Variants in FEM1A observed in about 807,000 individuals in gnomAD.
The protein encoded by FEM1A is protein fem-1 homolog A.
Under a neutral mutation model 0.7 loss-of-function variants are expected in FEM1A, and 1 was observed. That is an observed-to-expected ratio of 1.35 (90% CI 0.48 to 6.40). The LOEUF (loss-of-function observed/expected upper bound fraction) is 6.40, where lower values mean the gene tolerates loss of function less well. Ranked by LOEUF, FEM1A falls within the 30% of genes most tolerant of loss-of-function variation. The pLI is 0.14. For synonymous variants in FEM1A, 391 were observed against 420.6 expected, an observed-to-expected ratio of 0.93 and a Z score of 0.86; for missense variants, 721 against 918.7, an observed-to-expected ratio of 0.78 and a Z score of 2.78.
At position 4,793,122 on chromosome 19, in the gene FEM1A, A is replaced by C; in HGVS notation, c.1268A>C (p.Asn423Thr). 6.2e-7 allele frequency: 1 copy of C among 1,613,470 alleles called. No individual in the cohort carries two copies. Among genetic ancestry groups the C allele is most frequent in the African/African-American group, 1.3e-5 (1 of 75,006 alleles). ...WKYALDMQQS[N>T]LEPLSPMTAS... Reference sequence around the variant, plus strand: ...TACGCCCTGGACATGCAACAGAGCAACCTGGAGCCTCTGAGCCCCATGACC... The same window carrying C: ...TACGCCCTGGACATGCAACAGAGCACCCTGGAGCCTCTGAGCCCCATGACC... The change falls in exon 1 of 1, where the codon AAC (asparagine) becomes ACC (threonine). Residue 423 changes from asparagine (N) to threonine (T), a missense_variant. By Grantham distance (65) the Asn-to-Thr change is moderately conservative. This residue lies in a region of FEM1A where 379 missense variants were observed against 454.8 expected (regional missense o/e 0.83). Transcript: ENST00000269856. The surrounding 1 kb of genome is among the most constrained non-coding windows in gnomAD (Gnocchi z 5.1).
At position 4,791,759 on chromosome 19, in the gene FEM1A, G is replaced by A. The variant is rs2093554491; in HGVS notation, c.-96G>A. 10 of 1,254,594 alleles carry A rather than the reference G, an allele frequency of 8.0e-6. No homozygotes were observed. The South Asian group carries it at 1.2e-4, about 15-fold the overall frequency. 77.7% of individuals were successfully genotyped at this position (1,254,594 alleles called of 1,614,324 possible). On this transcript the variant is annotated 5_prime_UTR_variant, in exon 1 of 1. Transcript: ENST00000269856. Reference sequence around the variant, plus strand: ...GAGGAGACCCTAAGATGGCGGCGAGGGGGACGGTGAAGGTTGCCTCCCGCC... The same window carrying A: ...GAGGAGACCCTAAGATGGCGGCGAGAGGGACGGTGAAGGTTGCCTCCCGCC...
rs371448166 is a variant in FEM1A, at chr19:4,793,386, C to T, written c.1532C>T (p.Thr511Ile). 40 of 1,612,022 alleles carry T rather than the reference C, an allele frequency of 2.5e-5. No individual in the cohort carries two copies. Among genetic ancestry groups the T allele is most frequent in the Non-Finnish European group, 3.4e-5 (40 of 1,179,850 alleles). ...LLYLLEKVECTPSQEHLKHQT... is the reference protein window; with the variant it reads ...LLYLLEKVECIPSQEHLKHQT... ...TACCTGCTGGAGAAAGTGGAGTGCA[C>T]CCCCAGCCAGGAGCACCTGAAGCAC... is the stretch of plus-strand genomic sequence containing the variant. The change falls in exon 1 of 1, where the codon ACC becomes ATC. Residue 511 changes from threonine to isoleucine, a missense_variant. Physicochemically the swap from Thr to Ile is moderately conservative, Grantham distance 89. Transcript: ENST00000269856. This position sits in a 1 kb window ranked among gnomAD's most constrained non-coding sequence, Gnocchi z 5.1.
chr19:4,800,216 G>A lies in FEM1A; in HGVS notation c.*6352G>A, dbSNP rs978382753. ...CTCTTAAGAGGAAGGCCATCTTAAA[G>A]CTCTACCAGCTTCAGGTGAGGGCTG... On this transcript the variant is annotated 3_prime_UTR_variant, in exon 1 of 1. Coordinates refer to ENST00000269856, the MANE Select transcript of FEM1A (RefSeq NM_018708.3). 6.6e-6 allele frequency: 1 copy of A among 152,322 alleles called. No individual in the cohort carries two copies. Among genetic ancestry groups the A allele is most frequent in the African/African-American group, 2.4e-5 (1 of 41,450 alleles). The allele number at this position is 152,322 out of a possible 1,614,324, so 9.4% of individuals were successfully genotyped here. A position where few individuals can be genotyped will look rare whatever the true frequency, so the allele number is the denominator to read the frequency against.
chr19:4,792,055 C>T lies in FEM1A; in HGVS notation c.201C>T (p.Ser67=), dbSNP rs1421880439. ...VEYLVDRCGA[S]VEAGGSVHFD... The stretch of plus-strand genomic sequence containing the variant: ...ACCTGGTGGACCGGTGCGGCGCGAG[C>T]GTGGAGGCCGGTGGCTCGGTGCACT... Residue 67 remains serine (S), a synonymous_variant, in exon 1 of 1, where the codon AGC becomes AGT. Transcript: ENST00000269856. The surrounding 1 kb of genome is among the most constrained non-coding windows in gnomAD (Gnocchi z 6.7). 2.0e-5 allele frequency: 30 copies of T among 1,535,868 alleles called. No homozygotes were observed. In the South Asian group the frequency reaches 3.1e-4, roughly 16 times the overall value.
At position 4,798,102 on chromosome 19, in the gene FEM1A, A is replaced by T. The variant is rs4514807; in HGVS notation, c.*4238A>T. ...ACAAAAATTAGCCGGGTGTGGTGGC[A>T]GGTGCCTGTAGTCCCAGCTACTCCG... On this transcript the variant is annotated 3_prime_UTR_variant, in exon 1 of 1. Transcript: ENST00000269856. 1 of 90,078 alleles carries T rather than the reference A, an allele frequency of 1.1e-5. No individual in the cohort carries two copies. The highest frequency in any genetic ancestry group is 2.6e-5 in the Non-Finnish European group (1 of 38,072). The allele number at this position is 90,078 out of a possible 1,614,324, so 5.6% of individuals were successfully genotyped here.
rs1458161003 is a variant in FEM1A at position 4,794,803 on chromosome 19, T to C, written c.*939T>C. The C allele has an allele frequency of 6.0e-6, 1 of 166,926 alleles. No homozygotes were observed. 10.3% of individuals were successfully genotyped at this position (166,926 alleles called of 1,614,324 possible). A position where few individuals can be genotyped will look rare whatever the true frequency, so the allele number is the denominator to read the frequency against. ...TCCATTCTCCTTAGAGAGAGAACTG[T>C]GCTTCCAAACAGAAATCAGGAGTGA... On this transcript the variant is annotated 3_prime_UTR_variant, in exon 1 of 1. Coordinates refer to ENST00000269856, the MANE Select transcript of FEM1A (RefSeq NM_018708.3).
rs1413488229 is a variant in FEM1A, at chr19:4,801,155, T to A, written c.*7291T>A. On this transcript the variant is annotated 3_prime_UTR_variant, in exon 1 of 1. Coordinates refer to ENST00000269856, the MANE Select transcript of FEM1A (RefSeq NM_018708.3). ...TGCCTTGATATCTCCTATTAAAGCT[T>A]GTGTTTGAATGTCTGTTAATAGACA... 1 of 152,172 alleles carries A rather than the reference T, an allele frequency of 6.6e-6. No homozygotes were observed. The highest frequency in any genetic ancestry group is 1.5e-5 in the Non-Finnish European group (1 of 68,034). The allele number at this position is 152,172 out of a possible 1,614,324, so 9.4% of individuals were successfully genotyped here. A position where few individuals can be genotyped will look rare whatever the true frequency, so the allele number is the denominator to read the frequency against.
At position 4,796,800 on chromosome 19, in the gene FEM1A, G is replaced by A. The variant is rs1162470075; in HGVS notation, c.*2936G>A. ...GCTTCCATGGTGCATTGGGTTGGAG[G>A]GCTCTTCTCCCGAGGGTGGGTGTCT... On this transcript the variant is annotated 3_prime_UTR_variant, in exon 1 of 1. Coordinates refer to ENST00000269856, the MANE Select transcript of FEM1A (RefSeq NM_018708.3). The A allele has an allele frequency of 6.6e-6, 1 of 152,420 alleles. No homozygotes were observed. Among genetic ancestry groups the A allele is most frequent in the Non-Finnish European group, 1.5e-5 (1 of 68,210 alleles). The allele number at this position is 152,420 out of a possible 1,614,324, so 9.4% of individuals were successfully genotyped here.
Position 4,792,451 on chromosome 19 carries a change from G to A in FEM1A, c.597G>A (p.Leu199=). ...CCGAGTCCGGCAGCCTGGAGATCCT[G>A]CAGCTGCTGCTGGGGTGCAAGGCCC... ...DCAESGSLEI[L]QLLLGCKARM... Residue 199 remains leucine, a synonymous_variant, in exon 1 of 1, where the codon CTG becomes CTA. Transcript: ENST00000269856. The surrounding 1 kb of genome is among the most constrained non-coding windows in gnomAD (Gnocchi z 6.7). 6.3e-7 allele frequency: 1 copy of A among 1,596,678 alleles called. No individual in the cohort carries two copies. Among genetic ancestry groups the A allele is most frequent in the Non-Finnish European group, 8.5e-7 (1 of 1,179,596 alleles).
chr19:4,793,831 G>A lies in FEM1A; in HGVS notation c.1977G>A (p.Pro659=), dbSNP rs1282571664. Residue 659 remains proline, a synonymous_variant, in exon 1 of 1, where the codon CCG becomes CCA. Coordinates refer to ENST00000269856, the MANE Select transcript of FEM1A (RefSeq NM_018708.3). This position sits in a 1 kb window ranked among gnomAD's most constrained non-coding sequence, Gnocchi z 5.1. The part of the protein sequence containing the change: ...KNKIPYKGFI[P]EDLEAFIELH ...AGATCCCTTACAAGGGCTTCATCCCGGAAGATCTGGAGGCGTTCATCGAAC... is the reference window on the plus strand; with the variant it reads ...AGATCCCTTACAAGGGCTTCATCCCAGAAGATCTGGAGGCGTTCATCGAAC... 1.2e-6 allele frequency: 2 copies of A among 1,607,856 alleles called. No individual in the cohort carries two copies. The highest frequency in any genetic ancestry group is 1.3e-5 in the African/African-American group (1 of 74,768).
Position 4,793,495 on chromosome 19 carries a change from C to A in FEM1A, c.1641C>A (p.Thr547=). 6.2e-7 allele frequency: 1 copy of A among 1,612,916 alleles called. No individual in the cohort carries two copies. Among genetic ancestry groups the A allele is most frequent in the Non-Finnish European group, 8.5e-7 (1 of 1,179,866 alleles). ...TGCACATGGCTGTGGACAAGGACACCACAAACGTGGGCCGCTATCCCGTGG... is the reference window on the plus strand; with the variant it reads ...TGCACATGGCTGTGGACAAGGACACAACAAACGTGGGCCGCTATCCCGTGG... ...TPLHMAVDKD[T]TNVGRYPVGR... Residue 547 remains threonine, a synonymous_variant, in exon 1 of 1, where the codon ACC becomes ACA. Coordinates refer to ENST00000269856, the MANE Select transcript of FEM1A (RefSeq NM_018708.3). This position sits in a 1 kb window ranked among gnomAD's most constrained non-coding sequence, Gnocchi z 5.1.
rs1051358956 is a variant in FEM1A, at chr19:4,795,508, T to C, written c.*1644T>C. On this transcript the variant is annotated 3_prime_UTR_variant, in exon 1 of 1. Transcript: ENST00000269856. Reference sequence around the variant, plus strand: ...GAGCACAGAAATGAGGCCGTTTACATGGCGAGTCTCCGTGCTGGTGTTTAA... The same window carrying C: ...GAGCACAGAAATGAGGCCGTTTACACGGCGAGTCTCCGTGCTGGTGTTTAA... 6.0e-6 allele frequency: 1 copy of C among 166,742 alleles called. No homozygotes were observed. The highest frequency in any genetic ancestry group is 6.6e-5 in the Admixed American group (1 of 15,202). The allele number at this position is 166,742 out of a possible 1,614,324, so 10.3% of individuals were successfully genotyped here. A position where few individuals can be genotyped will look rare whatever the true frequency, so the allele number is the denominator to read the frequency against.
rs1256201536 is a variant in FEM1A, at chr19:4,801,114, C to T, written c.*7250C>T. ...ACATTCAGAATTCCCTGGAGCAACC[C>T]CCTCCCTCCACCCTGTGCCTTGATA... is the stretch of plus-strand genomic sequence containing the variant. On this transcript the variant is annotated 3_prime_UTR_variant, in exon 1 of 1. Transcript: ENST00000269856. The T allele has an allele frequency of 6.6e-6, 1 of 152,084 alleles. No homozygotes were observed. The highest frequency in any genetic ancestry group is 1.9e-4 in the East Asian group (1 of 5,188). The allele number at this position is 152,084 out of a possible 1,614,324, so 9.4% of individuals were successfully genotyped here. A position where few individuals can be genotyped will look rare whatever the true frequency, so the allele number is the denominator to read the frequency against.
rs781719702 is a variant in FEM1A at position 4,792,340 on chromosome 19, C to T, written c.486C>T (p.His162=). The T allele has an allele frequency of 5.6e-6, 9 of 1,594,374 alleles. No individual in the cohort carries two copies. The Admixed American group carries it at 1.0e-4, about 18-fold the overall frequency. ...TCATGATCTCGTGCTACAAGGGCCA[C>T]CGTGAGATCGCCCGCTACCTGCTGG... ...TCLMISCYKG[H]REIARYLLEQ... is the part of the protein sequence containing the mutation. The change falls in exon 1 of 1, where the codon CAC becomes CAT. Residue 162 remains histidine, a synonymous_variant. Coordinates refer to ENST00000269856, the MANE Select transcript of FEM1A (RefSeq NM_018708.3). The surrounding 1 kb of genome is among the most constrained non-coding windows in gnomAD (Gnocchi z 6.7).
Position 4,800,739 on chromosome 19 carries a change from C to T in FEM1A, c.*6875C>T, listed in dbSNP as rs1323877668. 1 of 152,362 alleles carries T rather than the reference C, an allele frequency of 6.6e-6. No individual in the cohort carries two copies. The highest frequency in any genetic ancestry group is 1.5e-5 in the Non-Finnish European group (1 of 68,172). The allele number at this position is 152,362 out of a possible 1,614,324, so 9.4% of individuals were successfully genotyped here. The stretch of plus-strand genomic sequence containing the variant: ...CCGCCGCCCCCATGGAATTGCAGGA[C>T]TGTTATCTGAGCAACGTCGACGGGG... On this transcript the variant is annotated 3_prime_UTR_variant, in exon 1 of 1. Coordinates refer to ENST00000269856, the MANE Select transcript of FEM1A (RefSeq NM_018708.3).
rs376644635 is a variant in FEM1A, at chr19:4,798,045, T to G, written c.*4181T>G. On this transcript the variant is annotated 3_prime_UTR_variant, in exon 1 of 1. Transcript: ENST00000269856. ...GTCAGGAGATCGAGACCATCCTGGC[T>G]AACACGGTGAAACCCCGTCTCTACT... 6.2e-5 allele frequency: 9 copies of G among 145,834 alleles called. No individual in the cohort carries two copies. The highest frequency in any genetic ancestry group is 7.0e-5 in the Admixed American group (1 of 14,384). 9.0% of individuals were successfully genotyped at this position (145,834 alleles called of 1,614,324 possible). A position where few individuals can be genotyped will look rare whatever the true frequency, so the allele number is the denominator to read the frequency against.
chr19:4,793,234 C>T lies in FEM1A; in HGVS notation c.1380C>T (p.Gly460=), dbSNP rs748409813. The T allele has an allele frequency of 1.2e-6, 2 of 1,613,452 alleles. No individual in the cohort carries two copies. The highest frequency in any genetic ancestry group is 1.7e-5 in the Admixed American group (1 of 59,992). The change falls in exon 1 of 1, where the codon GGC becomes GGT. Residue 460 remains glycine (G), a synonymous_variant. Transcript: ENST00000269856. The surrounding 1 kb of genome is among the most constrained non-coding windows in gnomAD (Gnocchi z 5.1). ...AAKGSLGTQI[G]FADLMGVLTK... is the part of the protein sequence containing the mutation. Reference sequence around the variant, plus strand: ...AAGGCAGCCTGGGCACCCAGATCGGCTTTGCAGACCTCATGGGGGTTCTCA... The same window carrying T: ...AAGGCAGCCTGGGCACCCAGATCGGTTTTGCAGACCTCATGGGGGTTCTCA...
In FEM1A at chr19:4,794,615, G is replaced by A. The variant is rs2093559000; in HGVS notation, c.*751G>A. 6.0e-6 allele frequency: 1 copy of A among 166,520 alleles called. No individual in the cohort carries two copies. The highest frequency in any genetic ancestry group is 2.4e-5 in the African/African-American group (1 of 41,226). 10.3% of individuals were successfully genotyped at this position (166,520 alleles called of 1,614,324 possible). Reference sequence around the variant, plus strand: ...GCAGTGAGGATTTTGTGGTGCCTGAGATGGCCGAGGGCACAGGGAGTGAGC... The same window carrying A: ...GCAGTGAGGATTTTGTGGTGCCTGAAATGGCCGAGGGCACAGGGAGTGAGC... On this transcript the variant is annotated 3_prime_UTR_variant, in exon 1 of 1. Coordinates refer to ENST00000269856, the MANE Select transcript of FEM1A (RefSeq NM_018708.3).
Position 4,792,991 on chromosome 19 carries a change from G to A in FEM1A, c.1137G>A (p.Glu379=), listed in dbSNP as rs1214126719. 1 of 1,613,064 alleles carries A rather than the reference G, an allele frequency of 6.2e-7. No individual in the cohort carries two copies. Among genetic ancestry groups the A allele is most frequent in the Non-Finnish European group, 8.5e-7 (1 of 1,180,020 alleles). The change falls in exon 1 of 1, where the codon GAG becomes GAA. Residue 379 remains glutamate (E), a synonymous_variant. Coordinates refer to ENST00000269856, the MANE Select transcript of FEM1A (RefSeq NM_018708.3). The surrounding 1 kb of genome is among the most constrained non-coding windows in gnomAD (Gnocchi z 6.7). ...EMRMQALLIR[E]RILGPSHPDT... ...GCATGCAGGCCCTGTTGATCCGGGA[G>A]CGCATCCTCGGTCCCTCGCACCCGG... is the stretch of plus-strand genomic sequence containing the variant.
Sources: allele counts gnomAD v4.1 joint callset, GRCh38; gene constraint gnomAD v4.1.1; regional missense constraint gnomAD v4.1.1; non-coding constraint Gnocchi (gnomAD v3.1); transcripts MANE v1.5; gene names NCBI Gene and HGNC (gene_info 2026-07-23, HGNC 2026-07-21).